The following THSD7B variants were observed in gnomAD, a reference collection of about 807,000 sequenced individuals.
THSD7B encodes the protein thrombospondin type 1 domain containing 7B.
Under a neutral mutation model 213.6 loss-of-function variants are expected in THSD7B, and 138 were observed. The observed-to-expected ratio is 0.65, with a 90% confidence interval of 0.56 to 0.74. THSD7B has a LOEUF of 0.74. Among genes scored for constraint, THSD7B ranks in the 30% least tolerant of loss-of-function variants. The pLI is 0.00. For missense variants in THSD7B, 1,931 were observed against 1,991.5 expected (o/e 0.97, Z 0.58); for synonymous variants, 742 against 687.0 (o/e 1.08, Z -1.25).
intron 17 of THSD7B, among the ~76,000 whole-genome samples, chr2:137,605,262 C>CT (rs1163892999): frequency 6.6e-6 from 1 of 152,134 alleles, no homozygotes; most frequent in African/African-American, 2.4e-5. Context: ...TCACATTCTC[C>CT]TTTTTACCCT....
At chr2:137,392,900 T>G (rs1686068125) in intron 12 of THSD7B, among the ~76,000 whole-genome samples, 1 of 152,086 alleles carries the variant, frequency 6.6e-6, no homozygotes, top group Non-Finnish European at 1.5e-5. Flanking sequence ...CTTCTTTGTG[T>G]GATTATTTTA....
At chr2:137,054,765 AC>A (rs996720963) in intron 2 of THSD7B, among the ~76,000 whole-genome samples, 6 of 147,966 alleles carry the variant, frequency 4.1e-5, no homozygotes, top group African/African-American at 1.5e-4. Context: ...AGCTGATAAA[AC>A]TTTTTTTTTT....
At position 137,656,978 on chromosome 2, in the gene THSD7B, A is replaced by G; in HGVS notation, c.4279+9A>G. The G allele has an allele frequency of 6.2e-7, 1 of 1,613,586 alleles. No individual in the cohort carries two copies. Among genetic ancestry groups the G allele is most frequent in the Non-Finnish European group, 8.5e-7 (1 of 1,179,638 alleles). ...AACACGCCCTTGTACAGGTACCAAGAGCACTTTTCAGTTCTTTAGCCTTCA... is the reference window on the plus strand; with the variant it reads ...AACACGCCCTTGTACAGGTACCAAGGGCACTTTTCAGTTCTTTAGCCTTCA... On this transcript the variant is annotated intron_variant, in intron 23 of 27. Coordinates refer to ENST00000409968, the MANE Select transcript of THSD7B (RefSeq NM_001316349.2).
At chr2:136,945,245 C>A (rs1486381724) in intron 2 of THSD7B, among the ~76,000 whole-genome samples, 2 of 152,150 alleles carry the variant, frequency 1.3e-5, no homozygotes, top group Non-Finnish European at 2.9e-5. Flanking sequence ...GTTTCTGAGA[C>A]CCTTTCTTCC....
chr2:136,954,354 G>A (rs1022463771), intron 2 of THSD7B, among the ~76,000 whole-genome samples: 1 of 152,140 alleles, frequency 6.6e-6, no homozygotes, highest in Non-Finnish European at 1.5e-5. Flanking sequence ...ATCTTCCTTG[G>A]CCAGCTCATC....
At chr2:137,097,528 T>A (rs1688060976) in intron 4 of THSD7B, among the ~76,000 whole-genome samples, 1 of 152,200 alleles carries the variant, frequency 6.6e-6, no homozygotes, top group African/African-American at 2.4e-5. Flanking sequence ...ACTTTCATGA[T>A]AGGCACAGTA....
At chr2:137,266,728 C>T (rs1040492615) in intron 10 of THSD7B, among the ~76,000 whole-genome samples, 1 of 152,188 alleles carries the variant, frequency 6.6e-6, no homozygotes, top group Non-Finnish European at 1.5e-5. Flanking sequence ...ATCTACTCTG[C>T]ACCTATGCTT....
intron 15 of THSD7B, among the ~76,000 whole-genome samples, chr2:137,556,116 CT>C (rs1334798973): frequency 6.6e-6 from 1 of 152,156 alleles, no homozygotes; most frequent in Non-Finnish European, 1.5e-5. Flanking sequence ...GGAAAACACC[CT>C]GCAGGATATT....
chr2:137,491,575 T>C (rs1688606395), intron 15 of THSD7B, among the ~76,000 whole-genome samples: 1 of 152,204 alleles, frequency 6.6e-6, no homozygotes, highest in Non-Finnish European at 1.5e-5. Context: ...TATTCCGTCA[T>C]CATGTGGAGA....
intron 15 of THSD7B, among the ~76,000 whole-genome samples, chr2:137,556,445 C>A: frequency 6.6e-6 from 1 of 152,144 alleles, no homozygotes; most frequent in Admixed American, 6.5e-5. Flanking sequence ...CCAAACTAAG[C>A]TTCCTAAGTG....
intron 12 of THSD7B, among the ~76,000 whole-genome samples, chr2:137,300,346 G>T (rs1683570289): frequency 6.6e-6 from 1 of 152,140 alleles, no homozygotes; most frequent in Non-Finnish European, 1.5e-5. Flanking sequence ...TTTACAAAAG[G>T]TTATGAAAAT....
At chr2:136,796,986 A>T (rs1682079033) in intron 1 of THSD7B, among the ~76,000 whole-genome samples, 1 of 136,860 alleles carries the variant, frequency 7.3e-6, no homozygotes, top group Admixed American at 6.9e-5. Context: ...TTGATCACAC[A>T]CACACACACA....
chr2:137,118,024 G>A (rs1688475963), intron 5 of THSD7B, among the ~76,000 whole-genome samples: 1 of 152,102 alleles, frequency 6.6e-6, no homozygotes, highest in Non-Finnish European at 1.5e-5. Flanking sequence ...CATTGTTCAT[G>A]TGGTGTTTTA....
intron 2 of THSD7B, among the ~76,000 whole-genome samples, chr2:136,907,554 T>A (rs1434356118): frequency 6.6e-6 from 1 of 152,158 alleles, no homozygotes. Flanking sequence ...AAATGATAAA[T>A]AAGAACCATG....
intron 12 of THSD7B, among the ~76,000 whole-genome samples, chr2:137,341,796 T>C (rs534373517): frequency 7.2e-5 from 11 of 151,746 alleles, no homozygotes; most frequent in African/African-American, 2.7e-4. Flanking sequence ...GGTTCATTTA[T>C]GGACTCTCTA....
chr2:137,664,130 G>A (rs1304891424), intron 26 of THSD7B, among the ~76,000 whole-genome samples: 1 of 152,126 alleles, frequency 6.6e-6, no homozygotes, highest in African/African-American at 2.4e-5. Context: ...TGGGATTACA[G>A]GCATGAGCCA....
chr2:137,079,113 G>A (rs1687690690), intron 3 of THSD7B, among the ~76,000 whole-genome samples: 2 of 152,160 alleles, frequency 1.3e-5, no homozygotes, highest in African/African-American at 4.8e-5. Context: ...GAGCTCAAGA[G>A]TTTGAGACCA....
At chr2:137,446,131 A>G (rs1687532273) in intron 14 of THSD7B, among the ~76,000 whole-genome samples, 1 of 152,016 alleles carries the variant, frequency 6.6e-6, no homozygotes, top group South Asian at 2.1e-4. Flanking sequence ...TATTTTATAT[A>G]GCAGGAAAAT....
At chr2:137,168,123 C>G (rs993359498) in intron 6 of THSD7B, among the ~76,000 whole-genome samples, 3 of 152,174 alleles carry the variant, frequency 2.0e-5, no homozygotes, top group African/African-American at 7.2e-5. Flanking sequence ...CTGTCCCAGT[C>G]TTGGTAAAGG....
Sources: gnomAD v4.1 joint callset for allele counts (sites outside exome capture counted in the v4.1 genomes callset) on GRCh38, gnomAD v4.1.1 for gene constraint, MANE v1.5 for transcripts, NCBI Gene and HGNC (gene_info 2026-07-23, HGNC 2026-07-21) for gene names.